Variants in WWOX observed in about 807,000 individuals in gnomAD.
WWOX encodes the protein WW domain-containing oxidoreductase.
Under a neutral mutation model 46.2 loss-of-function variants are expected in WWOX, and 69 were observed. That is an observed-to-expected ratio of 1.49 (90% CI 1.23 to 1.82). The LOEUF (loss-of-function observed/expected upper bound fraction) is 1.82. WWOX is among the 40% of genes most tolerant of loss of function. The pLI is 0.00. For synonymous variants in WWOX, 359 were observed against 202.6 expected (o/e 1.77, Z -6.56); for missense variants, 919 against 542.6 (o/e 1.69, Z -6.89).
chr16:78,400,854 G>T (rs979279031), intron 6 of WWOX, among the ~76,000 whole-genome samples: 2 of 152,204 alleles, frequency 1.3e-5, no homozygotes, highest in African/African-American at 4.8e-5. Flanking sequence ...AGATAGGGCT[G>T]GCTCTGTCAC....
At chr16:78,760,686 T>G (rs1474734954) in intron 8 of WWOX, among the ~76,000 whole-genome samples, 1 of 152,194 alleles carries the variant, frequency 6.6e-6, no homozygotes, top group African/African-American at 2.4e-5. Flanking sequence ...CTCAAGCTGC[T>G]GATTTCCGGG....
chr16:78,531,285 T>C (rs1281276961), intron 8 of WWOX, among the ~76,000 whole-genome samples: 5 of 152,314 alleles, frequency 3.3e-5, no homozygotes, highest in South Asian at 2.1e-4. Context: ...TTCTCCGAGA[T>C]GGATGGTTGC....
chr16:78,312,848 G>T (rs2080275726), intron 5 of WWOX, among the ~76,000 whole-genome samples: 2 of 152,298 alleles, frequency 1.3e-5, no homozygotes, highest in Admixed American at 1.3e-4. Context: ...GCCCTAAGTG[G>T]TCAGCCTCCG....
chr16:78,379,523 A>G (rs2081907009), intron 5 of WWOX, among the ~76,000 whole-genome samples: 1 of 152,204 alleles, frequency 6.6e-6, no homozygotes, highest in Non-Finnish European at 1.5e-5. Flanking sequence ...ACAGCATAAC[A>G]AAGAGCTGCT....
chr16:78,364,581 T>A (rs1358180814), intron 5 of WWOX, among the ~76,000 whole-genome samples: 2 of 147,852 alleles, frequency 1.4e-5, no homozygotes, highest in East Asian at 1.9e-4. Flanking sequence ...AAAAAAAAAA[T>A]TTGTGGTTAC....
chr16:78,115,520 G>GCAATA (rs2032734648), intron 4 of WWOX, among the ~76,000 whole-genome samples: 1 of 152,158 alleles, frequency 6.6e-6, no homozygotes, highest in African/African-American at 2.4e-5. Flanking sequence ...TAGAATACGG[G>GCAATA]GAACAACAAG....
At chr16:78,672,635 G>A (rs940325485) in intron 8 of WWOX, among the ~76,000 whole-genome samples, 5 of 152,224 alleles carry the variant, frequency 3.3e-5, no homozygotes. Flanking sequence ...CTTACCATTT[G>A]CAAGGAGAAT....
At chr16:78,329,262 A>T (rs959893853) in intron 5 of WWOX, among the ~76,000 whole-genome samples, 2 of 152,134 alleles carry the variant, frequency 1.3e-5, no homozygotes, top group African/African-American at 2.4e-5. Flanking sequence ...TTGAGATGGT[A>T]GTTTCCTCCT....
At chr16:78,135,861 C>T (rs879276935) in intron 4 of WWOX, among the ~76,000 whole-genome samples, 4 of 152,080 alleles carry the variant, frequency 2.6e-5, no homozygotes, top group Non-Finnish European at 4.4e-5. Context: ...TTTGAGACGT[C>T]TAGAATAGAG....
chr16:78,525,815 C>CT (rs1776879135), intron 8 of WWOX: 1 of 144,458 alleles, frequency 6.9e-6, no homozygotes, highest in Admixed American at 7.1e-5. Flanking sequence ...TTGAGACTCA[C>CT]TAGAAGTTTC....
At position 78,108,550 on chromosome 16, in the gene WWOX, G is replaced by C. The variant is rs995827845; in HGVS notation, c.172+63G>C. On this transcript the variant is annotated intron_variant, in intron 2 of 8. Transcript: ENST00000566780. ...ATTAAGTAGATGAGGAAATGTCACT[G>C]GCAGAGAGGTGACAGGTTATTGTGT... The C allele has an allele frequency of 1.0e-5, 16 of 1,557,982 alleles. No homozygotes were observed. In the African/African-American group the frequency reaches 2.0e-4, roughly 20 times the overall value.
At chr16:78,880,092 T>C (rs1245359652) in intron 8 of WWOX, among the ~76,000 whole-genome samples, 1 of 152,182 alleles carries the variant, frequency 6.6e-6, no homozygotes, top group Admixed American at 6.5e-5. Context: ...ATGCAACTTG[T>C]CAAACACTTA....
chr16:79,069,815 C>T (rs529071622), intron 8 of WWOX, among the ~76,000 whole-genome samples: 1 of 152,258 alleles, frequency 6.6e-6, no homozygotes, highest in East Asian at 1.9e-4. Flanking sequence ...GTTTTGCTAA[C>T]TGGTGTTAGT....
At chr16:78,158,961 C>G (rs151078884) in intron 4 of WWOX, among the ~76,000 whole-genome samples, 1 of 152,266 alleles carries the variant, frequency 6.6e-6, no homozygotes, top group East Asian at 1.9e-4. Context: ...TTTGCCTACA[C>G]CATTCTATTT....
intron 8 of WWOX, among the ~76,000 whole-genome samples, chr16:78,859,610 C>A (rs747177373): frequency 4.6e-5 from 7 of 152,118 alleles, no homozygotes; most frequent in African/African-American, 1.7e-4. Context: ...TCATGTTCAG[C>A]ATTTTATGTG....
At chr16:79,211,054 TGTGC>T (rs1455185904) in intron 8 of WWOX, among the ~76,000 whole-genome samples, 1 of 151,954 alleles carries the variant, frequency 6.6e-6, no homozygotes, top group Non-Finnish European at 1.5e-5. Flanking sequence ...TGTGTGTGTG[TGTGC>T]ATTAAATGTT....
intron 8 of WWOX, among the ~76,000 whole-genome samples, chr16:78,635,721 A>G (rs2046551006): frequency 6.6e-6 from 1 of 152,162 alleles, no homozygotes; most frequent in South Asian, 2.1e-4. Flanking sequence ...CTCCGTCCAC[A>G]TCAATGTCGT....
intron 8 of WWOX, among the ~76,000 whole-genome samples, chr16:78,594,503 G>C (rs980438394): frequency 3.2e-5 from 4 of 126,608 alleles, no homozygotes; most frequent in African/African-American, 5.9e-5. Flanking sequence ...AGCTTCCTCT[G>C]ACCACCCTGC....
At chr16:79,186,087 G>T (rs1025934340) in intron 8 of WWOX, among the ~76,000 whole-genome samples, 2 of 152,034 alleles carry the variant, frequency 1.3e-5, no homozygotes, top group African/African-American at 4.8e-5. Context: ...GGTGTTTTCT[G>T]CCTGTGGCTG....
Sources: gnomAD v4.1 joint callset for allele counts (sites outside exome capture counted in the v4.1 genomes callset) on GRCh38, gnomAD v4.1.1 for gene constraint, MANE v1.5 for transcripts, NCBI Gene and HGNC (gene_info 2026-07-23, HGNC 2026-07-21) for gene names.